USP24: variants seen among roughly 807,000 people sequenced by gnomAD.
USP24 encodes the protein ubiquitin specific peptidase 24, also known as ubiquitin carboxyl-terminal hydrolase 24.
A neutral mutation model predicts 361.6 loss-of-function variants in USP24; 97 were observed. That is an observed-to-expected ratio of 0.27 (90% CI 0.23 to 0.32). The LOEUF is 0.32. Among genes scored for constraint, USP24 ranks in the 10% least tolerant of loss-of-function variants. The pLI is 1.00. For synonymous variants in USP24, 1,098 were observed against 1,124.6 expected (o/e 0.98, Z 0.47); for missense variants, 2,353 against 3,165.6 (o/e 0.74, Z 6.16).
At chr1:55,097,743 G>A in intron 47 of USP24, 26 bp from the exon 48 acceptor site, 2 of 1,524,092 alleles carry the variant, frequency 1.3e-6, no homozygotes, top group Non-Finnish European at 1.8e-6. Context: ...AGGAAAAAGA[G>A]CAAATCTGAA....
intron 38 of USP24, among the ~76,000 whole-genome samples, chr1:55,113,270 T>G (rs1273044285): frequency 6.6e-6 from 1 of 151,994 alleles, no homozygotes; most frequent in Non-Finnish European, 1.5e-5. Flanking sequence ...ACAAACAAAC[T>G]AGAAAATCTG....
chr1:55,138,892 C>G, intron 25 of USP24, 52 bp downstream of exon 25: 2 of 1,560,946 alleles, frequency 1.3e-6, no homozygotes, highest in South Asian at 2.3e-5. Context: ...GTGGGAAGAT[C>G]GCTTGAGTCC....
At chr1:55,165,360 CCTAA>C (rs898954747) in intron 7 of USP24, among the ~76,000 whole-genome samples, 24 of 152,110 alleles carry the variant, frequency 1.6e-4, no homozygotes, top group Non-Finnish European at 2.9e-4. Context: ...TAGTTATTCC[CCTAA>C]CTATGAGGTT....
At chr1:55,093,717 C>A in intron 52 of USP24, 1 of 470,912 alleles carries the variant, frequency 2.1e-6, no homozygotes, top group Admixed American at 3.6e-5. Flanking sequence ...ATTGTGCCTG[C>A]CAATCATGAG....
chr1:55,080,512 T>C (rs1645128399), intron 59 of USP24, among the ~76,000 whole-genome samples: 1 of 152,326 alleles, frequency 6.6e-6, no homozygotes, highest in Admixed American at 6.5e-5. Flanking sequence ...CCTTAGTTTT[T>C]GCATCCATAG....
chr1:55,079,006 A>C (rs975176668), intron 60 of USP24, among the ~76,000 whole-genome samples: 3 of 152,074 alleles, frequency 2.0e-5, no homozygotes. Context: ...AAAAAAAAAA[A>C]CCAGAATTAT....
At chr1:55,151,470 G>A (rs1647189455) in intron 16 of USP24, among the ~76,000 whole-genome samples, 1 of 152,188 alleles carries the variant, frequency 6.6e-6, no homozygotes. Context: ...TAGGGTGAAG[G>A]GGAGGAAGTA....
At chr1:55,072,668 TTGAAATC>T in intron 65 of USP24, 111 bp downstream of exon 65, 1 of 1,067,736 alleles carries the variant, frequency 9.4e-7, no homozygotes, top group South Asian at 1.7e-5. Context: ...AAAGAAATGT[TTGAAATC>T]TGAAAACACT....
intron 45 of USP24, among the ~76,000 whole-genome samples, chr1:55,099,409 T>G (rs1339278036): frequency 6.6e-6 from 1 of 151,902 alleles, no homozygotes; most frequent in Non-Finnish European, 1.5e-5. Flanking sequence ...AGTACAAAAA[T>G]TAGCCGGGCG....
chr1:55,164,432 A>G (rs1032021644), intron 7 of USP24, among the ~76,000 whole-genome samples: 1 of 152,010 alleles, frequency 6.6e-6, no homozygotes, highest in Non-Finnish European at 1.5e-5. Context: ...GTATTTTTAA[A>G]TTCCAAAGTT....
Position 55,092,933 on chromosome 1 carries a change from ATAAT to A in USP24, c.6355-21_6355-18del. On this transcript the variant is annotated intron_variant, in intron 52 of 67. Coordinates refer to ENST00000294383, the MANE Select transcript of USP24 (RefSeq NM_015306.3). Reference sequence around the variant, plus strand: ...TCTCACCATCTACAAAAGAAGATTAATAATTATTTTTATGAAATGGAAAAATATT... The same window carrying A: ...TCTCACCATCTACAAAAGAAGATTAATATTTTTATGAAATGGAAAAATATT... 6.8e-7 allele frequency: 1 copy of A among 1,476,686 alleles called. No homozygotes were observed. 91.5% of individuals were successfully genotyped at this position (1,476,686 alleles called of 1,614,324 possible).
At chr1:55,114,276 G>A (rs1471386120) in intron 38 of USP24, among the ~76,000 whole-genome samples, 2 of 152,106 alleles carry the variant, frequency 1.3e-5, no homozygotes, top group Non-Finnish European at 2.9e-5. Flanking sequence ...TTCCATGCTC[G>A]TGCCCAGGAA....
At chr1:55,145,931 A>G in intron 20 of USP24, 67 bp downstream of exon 20, 1 of 1,157,580 alleles carries the variant, frequency 8.6e-7, no homozygotes. Context: ...GAGGATTAAA[A>G]GTAAAGGAAA....
intron 35 of USP24, 145 bp from the exon 36 acceptor site, chr1:55,123,747 T>C (rs922348155): frequency 8.4e-6 from 7 of 829,626 alleles, no homozygotes; most frequent in Non-Finnish European, 1.2e-5. Flanking sequence ...AGAGATTTAA[T>C]ACTGTATTTG....
chr1:55,103,117 T>C (rs918052197), intron 42 of USP24, among the ~76,000 whole-genome samples: 1 of 152,204 alleles, frequency 6.6e-6, no homozygotes, highest in African/African-American at 2.4e-5. Context: ...GGACCTGCAA[T>C]ATACTTCCCT....
chr1:55,077,345 T>C (rs1040554962), intron 61 of USP24, 45 bp from the exon 62 acceptor site: 62 of 1,505,918 alleles, frequency 4.1e-5, no homozygotes, highest in South Asian at 7.4e-5. Flanking sequence ...GGAAAGCATA[T>C]TGGAATGGCA....
chr1:55,134,450 A>G, intron 28 of USP24, 37 bp from the exon 29 acceptor site: 1 of 1,540,184 alleles, frequency 6.5e-7, no homozygotes, highest in Non-Finnish European at 8.9e-7. Flanking sequence ...TCAAATTTAC[A>G]AAAGAATGTT....
intron 8 of USP24, 27 bp downstream of exon 8, chr1:55,162,172 A>C: frequency 6.4e-7 from 1 of 1,570,394 alleles, no homozygotes; most frequent in Non-Finnish European, 8.6e-7. Flanking sequence ...CAATCATATG[A>C]AGTAATGTGA....
chr1:55,157,583 A>G (rs1322238773), intron 10 of USP24, among the ~76,000 whole-genome samples: 1 of 152,202 alleles, frequency 6.6e-6, no homozygotes, highest in Non-Finnish European at 1.5e-5. Flanking sequence ...CTGTAATCCC[A>G]GCACATTGGG....
Sources: allele counts gnomAD v4.1 joint callset (sites outside exome capture counted in the v4.1 genomes callset), GRCh38; gene constraint gnomAD v4.1.1; transcripts MANE v1.5; gene names NCBI Gene and HGNC (gene_info 2026-07-23, HGNC 2026-07-21).